Variants in DOCK2 observed in about 807,000 individuals in gnomAD.
The protein encoded by DOCK2 is dedicator of cytokinesis 2, also known as dedicator of cytokinesis protein 2.
DOCK2 carries 87 observed loss-of-function variants against 248.9 expected under a neutral mutation model. That is an observed-to-expected ratio of 0.35 (90% CI 0.29 to 0.42). The LOEUF is 0.42. Among genes scored for constraint, DOCK2 ranks in the 10% least tolerant of loss-of-function variants. The pLI is 1.00. For synonymous variants in DOCK2, 805 were observed against 821.6 expected, an observed-to-expected ratio of 0.98 and a Z score of 0.35; for missense variants, 1,747 against 2,300.2, an observed-to-expected ratio of 0.76 and a Z score of 4.92.
rs147361900 is a variant in DOCK2 at position 170,002,442 on chromosome 5, C to T, written c.3073-6055C>T. Among the ~76,000 whole-genome samples, 73 of 152,282 alleles carry T rather than the reference C, an allele frequency of 4.8e-4. 1 individual carries two copies. The highest frequency in any genetic ancestry group is 1.7e-3 in the African/African-American group (71 of 41,572). On this transcript the variant is annotated intron_variant, in intron 30 of 51. Transcript: ENST00000520908. The stretch of plus-strand genomic sequence containing the variant: ...CTTTTAAAAAAGATGTCTGTACATA[C>T]ATTTGTTTATGCATAAAAAAATTCT...
intron 27 of DOCK2, among the ~76,000 whole-genome samples, chr5:169,854,079 T>G (rs915106884): frequency 6.6e-6 from 1 of 151,618 alleles, no homozygotes; most frequent in Non-Finnish European, 1.5e-5. Flanking sequence ...CACCTCGGCC[T>G]CCCAAAGTGC....
intron 1 of DOCK2, among the ~76,000 whole-genome samples, chr5:169,652,731 G>C (rs908086823): frequency 6.6e-6 from 1 of 152,146 alleles, no homozygotes; most frequent in African/African-American, 2.4e-5. Context: ...AGGGGAAGGA[G>C]GAAGGAGGGA....
chr5:170,029,622 CT>C (rs1756054608), intron 34 of DOCK2, among the ~76,000 whole-genome samples: 1 of 152,222 alleles, frequency 6.6e-6, no homozygotes, highest in African/African-American at 2.4e-5. Flanking sequence ...CAGTTTCTGT[CT>C]TTGACAGCTT....
intron 26 of DOCK2, among the ~76,000 whole-genome samples, chr5:169,804,347 G>A (rs552908491): frequency 4.6e-5 from 7 of 151,932 alleles, no homozygotes; most frequent in East Asian, 1.9e-4. Flanking sequence ...TGACATACCC[G>A]GTGTGCGCTA....
chr5:169,770,599 C>T (rs1040080129), intron 25 of DOCK2, among the ~76,000 whole-genome samples: 2 of 152,156 alleles, frequency 1.3e-5, no homozygotes, highest in African/African-American at 4.8e-5. Context: ...TGCACCCAGC[C>T]TCTTGAATCT....
At chr5:169,924,921 G>A (rs1380866872) in intron 27 of DOCK2, among the ~76,000 whole-genome samples, 1 of 152,194 alleles carries the variant, frequency 6.6e-6, no homozygotes, top group Non-Finnish European at 1.5e-5. Context: ...GAAAATGGGA[G>A]TGTGTGTCCA....
At chr5:169,834,608 C>T (rs1769434872) in intron 26 of DOCK2, among the ~76,000 whole-genome samples, 1 of 119,620 alleles carries the variant, frequency 8.4e-6, no homozygotes, top group Admixed American at 8.5e-5. Context: ...TCAGTGCTCT[C>T]CAGCTAAATG....
chr5:170,051,747 G>A (rs1261756742), intron 41 of DOCK2, among the ~76,000 whole-genome samples: 2 of 152,106 alleles, frequency 1.3e-5, no homozygotes, highest in Non-Finnish European at 2.9e-5. Context: ...CTGGTACAAA[G>A]TGACTCCCAG....
intron 6 of DOCK2, among the ~76,000 whole-genome samples, chr5:169,674,675 G>C (rs1759234247): frequency 6.6e-6 from 1 of 152,206 alleles, no homozygotes; most frequent in Admixed American, 6.5e-5. Flanking sequence ...TTACCAGGCT[G>C]AGAGATTTAG....
chr5:169,875,079 T>C, intron 27 of DOCK2: 1 of 397,064 alleles, frequency 2.5e-6, no homozygotes, highest in Admixed American at 3.0e-5. Flanking sequence ...GAACTAAAGC[T>C]ACTCTCTGGG....
In DOCK2 at chr5:169,995,891, A is replaced by ACT. The variant is rs1470024970; in HGVS notation, c.2994-195_2994-194insCT. 2.6e-5 allele frequency among the ~76,000 whole-genome samples: 4 copies of ACT among 152,234 alleles called. No individual in the cohort carries two copies. The East Asian group carries it at 7.7e-4, about 29-fold the overall frequency. On this transcript the variant is annotated intron_variant, in intron 29 of 51. Transcript: ENST00000520908. ...TCAAAAAGAAGTCGAACAGTTATTG[A>ACT]GTTCTTGCAAGGCAAACAGCCCCGA...
intron 25 of DOCK2, among the ~76,000 whole-genome samples, chr5:169,789,416 A>C (rs568533969): frequency 1.3e-5 from 2 of 152,326 alleles, no homozygotes; most frequent in South Asian, 4.1e-4. Context: ...GAAATGTAAT[A>C]TGTTTCATTG....
At chr5:169,637,972 C>T (rs1338132477) in intron 1 of DOCK2, among the ~76,000 whole-genome samples, 1 of 152,132 alleles carries the variant, frequency 6.6e-6, no homozygotes, top group East Asian at 1.9e-4. Flanking sequence ...AACCAAGAAG[C>T]TAGCTTCGTC....
At chr5:169,984,920 A>C (rs1561867450) in intron 28 of DOCK2, among the ~76,000 whole-genome samples, 2 of 151,942 alleles carry the variant, frequency 1.3e-5, no homozygotes, top group Admixed American at 6.6e-5. Flanking sequence ...AGATTTCTTT[A>C]TTTATTTTTT....
intron 30 of DOCK2, 124 bp downstream of exon 30, chr5:169,996,288 C>T: frequency 1.0e-6 from 1 of 959,998 alleles, no homozygotes; most frequent in South Asian, 1.8e-5. Flanking sequence ...CCAGGGATTC[C>T]CACGGGGGGT....
chr5:169,983,217 C>A, intron 28 of DOCK2, 51 bp downstream of exon 28: 1 of 1,581,266 alleles, frequency 6.3e-7, no homozygotes. Flanking sequence ...ATCTCTGGAA[C>A]ATGGCTTCTG....
At chr5:169,938,190 C>G (rs1776077116) in intron 27 of DOCK2, among the ~76,000 whole-genome samples, 1 of 152,090 alleles carries the variant, frequency 6.6e-6, no homozygotes, top group Non-Finnish European at 1.5e-5. Context: ...TACCGCACAG[C>G]TGCCACCTTA....
chr5:170,081,284 A>G (rs536476932), intron 50 of DOCK2: 1 of 153,458 alleles, frequency 6.5e-6, no homozygotes, highest in African/African-American at 2.4e-5. Context: ...TTTCACTGGT[A>G]TCTGCTCAGC....
chr5:169,804,817 CA>C (rs1744792277), intron 26 of DOCK2, among the ~76,000 whole-genome samples: 2 of 152,044 alleles, frequency 1.3e-5, no homozygotes, highest in Admixed American at 1.3e-4. Flanking sequence ...ATAGGGGATA[CA>C]AAGGCATGGT....
Sources: gnomAD v4.1 joint callset for allele counts (sites outside exome capture counted in the v4.1 genomes callset) on GRCh38, gnomAD v4.1.1 for gene constraint, MANE v1.5 for transcripts, NCBI Gene and HGNC (gene_info 2026-07-23, HGNC 2026-07-21) for gene names.